ZNF609: variants seen among roughly 807,000 people sequenced by gnomAD.
ZNF609 encodes zinc finger protein 609.
In ZNF609, 11 loss-of-function variants were observed where a neutral mutation model predicts 109.5. The observed-to-expected ratio is 0.10, with a 90% CI of 0.06 to 0.17. The LOEUF is 0.17. Ranked by LOEUF, ZNF609 falls within the 10% of genes least tolerant of loss-of-function variation. ZNF609 has a pLI of 1.00. For synonymous variants in ZNF609, 646 were observed against 662.0 expected (o/e 0.98, Z 0.37); for missense variants, 1,559 against 1,772.4 (o/e 0.88, Z 2.16).
intron 2 of ZNF609, among the ~76,000 whole-genome samples, chr15:64,586,281 G>A (rs1449598796): frequency 2.0e-5 from 3 of 151,168 alleles, no homozygotes; most frequent in Non-Finnish European, 2.9e-5. Context: ...AGCCGAGATC[G>A]CGCCATTGCA....
chr15:64,607,504 T>G (rs1287424313), intron 2 of ZNF609, among the ~76,000 whole-genome samples: 1 of 127,426 alleles, frequency 7.8e-6, no homozygotes, highest in Non-Finnish European at 1.6e-5. Context: ...AAGGCATACT[T>G]TTTTTTTTTT....
chr15:64,524,563 CAAAAAA>C (rs539781729), intron 2 of ZNF609, among the ~76,000 whole-genome samples: 1 of 99,952 alleles, frequency 1.0e-5, no homozygotes. Context: ...GACTCCATCT[CAAAAAA>C]AAAAAAAAAG....
At chr15:64,619,457 G>A (rs566526832) in intron 2 of ZNF609, among the ~76,000 whole-genome samples, 1 of 152,326 alleles carries the variant, frequency 6.6e-6, no homozygotes, top group East Asian at 1.9e-4. Context: ...GATTATAGAT[G>A]TGACCAAATG....
At chr15:64,634,431 G>C (rs765107516) in intron 3 of ZNF609, among the ~76,000 whole-genome samples, 32 of 152,154 alleles carry the variant, frequency 2.1e-4, no homozygotes, top group Non-Finnish European at 4.1e-4. Flanking sequence ...TTTCACTAAA[G>C]GGAAGGGGCT....
At chr15:64,655,958 AAAC>A (rs1363757136) in intron 3 of ZNF609, among the ~76,000 whole-genome samples, 2 of 152,390 alleles carry the variant, frequency 1.3e-5, no homozygotes, top group East Asian at 1.9e-4. Context: ...GGGAAGCTGA[AAAC>A]AACAACTTTA....
intron 2 of ZNF609, among the ~76,000 whole-genome samples, chr15:64,521,460 T>C (rs1429432939): frequency 6.6e-6 from 1 of 152,164 alleles, no homozygotes. Context: ...GGAGGATTTT[T>C]TTTCCTTTCC....
intron 2 of ZNF609, among the ~76,000 whole-genome samples, chr15:64,564,959 T>C (rs1894752263): frequency 6.6e-6 from 1 of 151,952 alleles, no homozygotes; most frequent in African/African-American, 2.4e-5. Flanking sequence ...GCCATTCTCC[T>C]GTCTCAGCCT....
intron 2 of ZNF609, among the ~76,000 whole-genome samples, chr15:64,539,226 G>C (rs1260962262): frequency 6.8e-6 from 1 of 147,142 alleles, no homozygotes; most frequent in Non-Finnish European, 1.5e-5. Flanking sequence ...ATTTTGTTTT[G>C]AGATGGAGTC....
intron 2 of ZNF609, among the ~76,000 whole-genome samples, chr15:64,503,342 G>A (rs1893588440): frequency 6.6e-6 from 1 of 152,148 alleles, no homozygotes; most frequent in Non-Finnish European, 1.5e-5. Flanking sequence ...AAGAGATGGG[G>A]GAGGGAATGT....
chr15:64,663,802 C>A (rs1896611293), intron 3 of ZNF609, among the ~76,000 whole-genome samples: 2 of 151,980 alleles, frequency 1.3e-5, no homozygotes, highest in Non-Finnish European at 2.9e-5. Context: ...AGAAAAAAAT[C>A]TCTCTCTCTC....
In ZNF609 at chr15:64,580,562, T is replaced by TA. The variant is rs1256920205; in HGVS notation, c.748-42265_748-42264insA. 2.6e-5 allele frequency among the ~76,000 whole-genome samples: 4 copies of TA among 151,404 alleles called. No homozygotes were observed. In the East Asian group the frequency reaches 7.7e-4, roughly 29 times the overall value. On this transcript the variant is annotated intron_variant, in intron 2 of 9. Transcript: ENST00000326648. ...TTTTCTTTTCTTTTCTTTTCTTTTT[T>TA]TTTTTTGAGACAGAGTCTCGTTCTG... is the stretch of plus-strand genomic sequence containing the variant.
At chr15:64,523,945 C>G (rs1008968855) in intron 2 of ZNF609, among the ~76,000 whole-genome samples, 2 of 151,290 alleles carry the variant, frequency 1.3e-5, no homozygotes, top group Non-Finnish European at 2.9e-5. Context: ...GTAATGTTTC[C>G]AGAAACCATT....
At chr15:64,481,319 C>CTTTTCTT (rs1555414179) in intron 1 of ZNF609, among the ~76,000 whole-genome samples, 1 of 127,272 alleles carries the variant, frequency 7.9e-6, no homozygotes, top group African/African-American at 3.0e-5. Flanking sequence ...TTTCTTTTTT[C>CTTTTCTT]TTTTTTTTTT....
intron 2 of ZNF609, among the ~76,000 whole-genome samples, chr15:64,577,975 T>G (rs1268407190): frequency 6.6e-6 from 1 of 151,416 alleles, no homozygotes; most frequent in African/African-American, 2.4e-5. Flanking sequence ...GGCAACATAG[T>G]GAAACCCACC....
At position 64,675,487 on chromosome 15, in the gene ZNF609, C is replaced by G. The variant is rs1206700440; in HGVS notation, c.2633C>G (p.Thr878Ser). The stretch of plus-strand genomic sequence containing the variant: ...TTGGTTAAAGAAGGGGCTAAGAAAA[C>G]TCTTTTTCCCCCTCAGCCTCAGAGC... Reference protein sequence around the residue: ...EQLVKEGAKKTLFPPQPQSKD... With the variant: ...EQLVKEGAKKSLFPPQPQSKD... Residue 878 changes from threonine to serine, a missense_variant, in exon 5 of 10, where the codon ACT becomes AGT. Thr to Ser is a moderately conservative substitution (Grantham distance 58). Coordinates refer to ENST00000326648, the MANE Select transcript of ZNF609 (RefSeq NM_015042.2). The G allele has an allele frequency of 6.2e-7, 1 of 1,614,058 alleles. No homozygotes were observed. Among genetic ancestry groups the G allele is most frequent in the African/African-American group, 1.3e-5 (1 of 74,918 alleles).
Position 64,581,790 on chromosome 15 carries a change from A to G in ZNF609, c.748-41037A>G, listed in dbSNP as rs1301204735. 2.6e-5 allele frequency among the ~76,000 whole-genome samples: 4 copies of G among 152,202 alleles called. 1 individual carries two copies. In the East Asian group the frequency reaches 5.8e-4, roughly 22 times the overall value. The stretch of plus-strand genomic sequence containing the variant: ...ATATTCAGGCGTTTTGCTTGAATAA[A>G]TGCTCTTAGATTGTTGTAAGCCTTT... On this transcript the variant is annotated intron_variant, in intron 2 of 9. Coordinates refer to ENST00000326648, the MANE Select transcript of ZNF609 (RefSeq NM_015042.2).
At chr15:64,646,805 T>A (rs1896342065) in intron 3 of ZNF609, among the ~76,000 whole-genome samples, 1 of 151,246 alleles carries the variant, frequency 6.6e-6, no homozygotes, top group African/African-American at 2.4e-5. Context: ...CTGGGCATGG[T>A]GGCGCATGCC....
At chr15:64,519,200 A>G (rs928099213) in intron 2 of ZNF609, among the ~76,000 whole-genome samples, 1 of 152,042 alleles carries the variant, frequency 6.6e-6, no homozygotes, top group African/African-American at 2.4e-5. Context: ...AATGGTAGTT[A>G]ATTTGGAAGA....
chr15:64,576,917 C>CACATAAAT (rs1202780810), intron 2 of ZNF609, among the ~76,000 whole-genome samples: 3 of 118,072 alleles, frequency 2.5e-5, no homozygotes, highest in Non-Finnish European at 3.6e-5. Flanking sequence ...TGTATATATA[C>CACATAAAT]ATATATGTGT....
Sources: gnomAD v4.1 joint callset for allele counts (sites outside exome capture counted in the v4.1 genomes callset) on GRCh38, gnomAD v4.1.1 for gene constraint, MANE v1.5 for transcripts, NCBI Gene and HGNC (gene_info 2026-07-23, HGNC 2026-07-21) for gene names.